Variants in BAD observed in about 807,000 individuals in gnomAD.
BAD encodes the protein bcl2-associated agonist of cell death.
Under a neutral mutation model 17.8 loss-of-function variants are expected in BAD, and 18 were observed. The observed-to-expected ratio is 1.01, with a 90% CI of 0.70 to 1.50. The LOEUF (loss-of-function observed/expected upper bound fraction) is 1.50. BAD is among the 40% of genes most tolerant of loss of function. BAD has a pLI of 0.00. For synonymous variants in BAD, 112 were observed against 91.5 expected (o/e 1.22, Z -1.28); for missense variants, 294 against 239.3 (o/e 1.23, Z -1.51).
intron 2 of BAD, among the ~76,000 whole-genome samples, chr11:64,283,017 G>C (rs1032371408): frequency 2.6e-5 from 4 of 152,116 alleles, no homozygotes; most frequent in Non-Finnish European, 4.4e-5. Flanking sequence ...TCGCACCTCT[G>C]TACTCCCTCC....
At chr11:64,271,060 G>C (rs12808586) in intron 3 of BAD, among the ~76,000 whole-genome samples, 10 of 844 alleles carry the variant, frequency 0.012, no homozygotes, top group Admixed American at 0.11. Flanking sequence ...CCCTGTGACT[G>C]ACACACACAC....
chr11:64,272,136 T>TG (rs1350124903), intron 2 of BAD, among the ~76,000 whole-genome samples: 1 of 152,114 alleles, frequency 6.6e-6, no homozygotes, highest in Non-Finnish European at 1.5e-5. Context: ...CTGGCCAACA[T>TG]GGTGAAACCC....
In BAD at chr11:64,282,975, GCCCAGA is replaced by G. The variant is rs1387655823; in HGVS notation, c.187+1201_187+1206del. The stretch of plus-strand genomic sequence containing the variant: ...CCAGTTACGTGGGAGGATCACTTAA[GCCCAGA>G]AGTTCCGGGCTGCAGTGAGCTGAGA... On this transcript the variant is annotated intron_variant, in intron 2 of 3. Transcript: ENST00000309032. Among the ~76,000 whole-genome samples, 1,239 of 152,124 alleles carry G rather than the reference GCCCAGA, an allele frequency of 8.1e-3. 19 individuals are homozygous for G. The highest frequency in any genetic ancestry group is 0.029 in the African/African-American group (1,193 of 41,492).
intron 2 of BAD, chr11:64,276,967 T>G: frequency 1.3e-6 from 1 of 747,258 alleles, no homozygotes; most frequent in Middle Eastern, 2.3e-4. Context: ...ACATCCCTGC[T>G]GATGCTTCCG....
At position 64,270,131 on chromosome 11, in the gene BAD, G is replaced by C; in HGVS notation, c.*78C>G. On this transcript the variant is annotated 3_prime_UTR_variant, in exon 4 of 4. Coordinates refer to ENST00000309032, the MANE Select transcript of BAD (RefSeq NM_032989.3). The stretch of plus-strand genomic sequence containing the variant: ...GATCCTCTTTTTGCATAGGCCTGAG[G>C]GAAGTACTTCCGCCCATATTCAAGA... 6.2e-7 allele frequency: 1 copy of C among 1,605,544 alleles called. No homozygotes were observed. The highest frequency in any genetic ancestry group is 8.5e-7 in the Non-Finnish European group (1 of 1,174,042).
At chr11:64,276,945 C>T (rs867352859) in intron 2 of BAD, 4 of 756,554 alleles carry the variant, frequency 5.3e-6, no homozygotes, top group Admixed American at 3.6e-5. Flanking sequence ...TCTGAGTCAG[C>T]GGCTGGGGCG....
Position 64,270,182 on chromosome 11 carries a change from G to C in BAD, c.*27C>G, listed in dbSNP as rs1397577940. ...TGGCTGCCCAGGGCAGTGGGAACGG[G>C]TGGAGTTTCGGGATGTGGAGCGAAG... On this transcript the variant is annotated 3_prime_UTR_variant, in exon 4 of 4. Coordinates refer to ENST00000309032, the MANE Select transcript of BAD (RefSeq NM_032989.3). 3.7e-6 allele frequency: 6 copies of C among 1,613,884 alleles called. No homozygotes were observed. Among genetic ancestry groups the C allele is most frequent in the African/African-American group, 1.3e-5 (1 of 74,964 alleles).
chr11:64,275,273 T>C (rs1330316670), intron 2 of BAD, among the ~76,000 whole-genome samples: 2 of 151,792 alleles, frequency 1.3e-5, no homozygotes, highest in African/African-American at 2.4e-5. Context: ...GGATTTCGGA[T>C]AGGGGCAGGA....
intron 3 of BAD, 55 bp downstream of exon 3, chr11:64,271,558 C>A: frequency 1.2e-5 from 16 of 1,361,278 alleles, no homozygotes; most frequent in South Asian, 1.7e-5. Context: ...AGGGACAGAC[C>A]GGCGGGGGGC....
At chr11:64,279,498 G>A (rs1023698530) in intron 2 of BAD, among the ~76,000 whole-genome samples, 64 of 152,360 alleles carry the variant, frequency 4.2e-4, no homozygotes, top group African/African-American at 9.6e-4. Flanking sequence ...CAGACGCGGT[G>A]GCTCATGCCT....
chr11:64,282,957 CG>C (rs1170833257), intron 2 of BAD, among the ~76,000 whole-genome samples: 1 of 151,364 alleles, frequency 6.6e-6, no homozygotes, highest in Non-Finnish European at 1.5e-5. Flanking sequence ...TTCCCAGTTA[CG>C]TGGGAGGATC....
chr11:64,279,790 C>A (rs79429697), intron 2 of BAD, among the ~76,000 whole-genome samples: 1 of 151,136 alleles, frequency 6.6e-6, no homozygotes, highest in Non-Finnish European at 1.5e-5. Context: ...AAAAATCCCC[C>A]TCTATCCCAC....
intron 2 of BAD, among the ~76,000 whole-genome samples, chr11:64,273,647 G>A (rs544023171): frequency 1.3e-5 from 2 of 151,930 alleles, no homozygotes; most frequent in Non-Finnish European, 2.9e-5. Flanking sequence ...TTGGGAGGCC[G>A]AGGTTGGGGA....
At chr11:64,270,516 G>T in intron 3 of BAD, 179 bp from the exon 4 acceptor site, 1 of 807,306 alleles carries the variant, frequency 1.2e-6, no homozygotes, top group Non-Finnish European at 2.0e-6. Context: ...GGGCCCCCAG[G>T]AATGGGAACT....
Position 64,270,272 on chromosome 11 carries a change from C to A in BAD, c.444G>T (p.Thr148=). Reference sequence around the variant, plus strand: ...GATCCCACCAGGACTGGAAGACTCGCGTCCAGCTGGAGCTTTGCCGCATCT... The same window carrying A: ...GATCCCACCAGGACTGGAAGACTCGAGTCCAGCTGGAGCTTTGCCGCATCT... ...ATQMRQSSSW[T]RVFQSWWDRN... Residue 148 remains threonine, a synonymous_variant, in exon 4 of 4, where the codon ACG becomes ACT. Coordinates refer to ENST00000309032, the MANE Select transcript of BAD (RefSeq NM_032989.3). 1 of 1,593,110 alleles carries A rather than the reference C, an allele frequency of 6.3e-7. No homozygotes were observed. The highest frequency in any genetic ancestry group is 2.3e-5 in the East Asian group (1 of 44,394).
intron 2 of BAD, among the ~76,000 whole-genome samples, chr11:64,282,487 C>T (rs1052569771): frequency 6.6e-6 from 1 of 152,166 alleles, no homozygotes; most frequent in African/African-American, 2.4e-5. Flanking sequence ...GTGGTCCCAG[C>T]TGTTCTGGAG....
At chr11:64,282,864 G>A (rs905449568) in intron 2 of BAD, among the ~76,000 whole-genome samples, 3 of 147,470 alleles carry the variant, frequency 2.0e-5, no homozygotes, top group Non-Finnish European at 3.0e-5. Context: ...GGGCAGCAGA[G>A]TGAGACTCCG....
At chr11:64,279,812 G>A (rs2033320856) in intron 2 of BAD, among the ~76,000 whole-genome samples, 2 of 148,882 alleles carry the variant, frequency 1.3e-5, no homozygotes, top group South Asian at 4.3e-4. Context: ...CTCTAGGGTA[G>A]CCTCCAGATC....
chr11:64,284,517 C>A, intron 1 of BAD, 114 bp downstream of exon 1: 1 of 1,542,786 alleles, frequency 6.5e-7, no homozygotes. Flanking sequence ...CATCTGTCTG[C>A]CGGGTCTGGC....
Sources: gnomAD v4.1 joint callset for allele counts (sites outside exome capture counted in the v4.1 genomes callset) on GRCh38, gnomAD v4.1.1 for gene constraint, MANE v1.5 for transcripts, NCBI Gene and HGNC (gene_info 2026-07-23, HGNC 2026-07-21) for gene names.